Variants in DAB1 observed in about 807,000 individuals in gnomAD.
DAB1 encodes DAB adaptor protein 1, also known as disabled homolog 1.
In DAB1, 15 loss-of-function variants were observed where a neutral mutation model predicts 64.6. The observed-to-expected ratio is 0.23, with a 90% CI of 0.16 to 0.36. DAB1 has a LOEUF of 0.36. DAB1 is among the 10% of genes least tolerant of loss of function. The pLI, the probability that DAB1 is intolerant of heterozygous loss-of-function variation, is 1.00. For synonymous variants in DAB1, 235 were observed against 251.9 expected, an observed-to-expected ratio of 0.93 and a Z score of 0.64; for missense variants, 596 against 706.7, an observed-to-expected ratio of 0.84 and a Z score of 1.78.
In DAB1 at chr1:58,223,785, C is replaced by T. The variant is rs189753707; in HGVS notation, n.310-73197G>A. On this transcript the variant is annotated intron_variant and non_coding_transcript_variant, in intron 4 of 20. Transcript: ENST00000485760. ...GTCCTGCTGGTGCTAATAAAGTGCA[C>T]GATATTACTCTGGTAATATAGTGTA... Among the ~76,000 whole-genome samples the T allele has an allele frequency of 7.2e-5, 11 of 152,210 alleles. No homozygotes were observed. The South Asian group carries it at 8.3e-4, about 11-fold the overall frequency.
At chr1:58,382,692 T>A (rs1310451155) in intron 3 of DAB1, among the ~76,000 whole-genome samples, 1 of 152,230 alleles carries the variant, frequency 6.6e-6, no homozygotes, top group Non-Finnish European at 1.5e-5. Context: ...TAAAGCTTTT[T>A]AAAAGAGACA....
At chr1:57,377,541 TC>T (rs1254832643) in intron 1 of DAB1, among the ~76,000 whole-genome samples, 1 of 152,190 alleles carries the variant, frequency 6.6e-6, no homozygotes, top group Non-Finnish European at 1.5e-5. Context: ...AGTCTTCAGC[TC>T]CTGCTACTGT....
intron 3 of DAB1, among the ~76,000 whole-genome samples, chr1:58,416,424 T>G (rs757459639): frequency 2.6e-5 from 4 of 152,172 alleles, no homozygotes; most frequent in Non-Finnish European, 4.4e-5. Context: ...TCTTCTCTTA[T>G]AGTTGGAAGG....
At chr1:58,343,544 G>A (rs1213650) in intron 3 of DAB1, 89,122 of 152,114 alleles carry the variant, frequency 0.59, 27,022 homozygotes, top group East Asian at 0.77. Flanking sequence ...AACACAAATA[G>A]ATGGAAGAGT....
At chr1:58,428,637 A>G (rs999511254) in intron 3 of DAB1, among the ~76,000 whole-genome samples, 1 of 152,216 alleles carries the variant, frequency 6.6e-6, no homozygotes, top group Non-Finnish European at 1.5e-5. Context: ...TAATAAAAAA[A>G]TCCTTATCTT....
chr1:57,760,361 T>A (rs2101816488), intron 6 of DAB1, among the ~76,000 whole-genome samples: 1 of 152,268 alleles, frequency 6.6e-6, no homozygotes, highest in Non-Finnish European at 1.5e-5. Flanking sequence ...ACTTCTTGAA[T>A]TTAAAAGCTG....
intron 4 of DAB1, among the ~76,000 whole-genome samples, chr1:58,233,640 T>A (rs1425211921): frequency 6.6e-6 from 1 of 152,178 alleles, no homozygotes; most frequent in East Asian, 1.9e-4. Context: ...GTTCAGAAAC[T>A]GAGTAAACTG....
intron 5 of DAB1, among the ~76,000 whole-genome samples, chr1:57,951,333 C>A (rs11579025): frequency 5.0e-5 from 2 of 40,126 alleles, no homozygotes; most frequent in African/African-American, 8.4e-5. Context: ...TATATATATA[C>A]TTCCCTGGAA....
intron 1 of DAB1, among the ~76,000 whole-genome samples, chr1:57,863,998 T>C (rs1013400003): frequency 3.3e-5 from 5 of 152,172 alleles, no homozygotes; most frequent in Non-Finnish European, 7.3e-5. Flanking sequence ...AGTGCTCCCA[T>C]TCTAGTGGAA....
chr1:57,036,311 TAC>T (rs1403251599), intron 9 of DAB1, among the ~76,000 whole-genome samples: 1 of 152,158 alleles, frequency 6.6e-6, no homozygotes, highest in Admixed American at 6.5e-5. Flanking sequence ...TGCTCTTGGC[TAC>T]AGTCTTGCCT....
chr1:57,996,962 G>A (rs921408370), intron 5 of DAB1, among the ~76,000 whole-genome samples: 1 of 152,012 alleles, frequency 6.6e-6, no homozygotes, highest in African/African-American at 2.4e-5. Context: ...ATAGAGATCC[G>A]CCTCCACCCC....
rs1194546374 is a variant in DAB1 at position 57,560,712 on chromosome 1, C to A, written n.625+88880G>T. On this transcript the variant is annotated intron_variant and non_coding_transcript_variant, in intron 7 of 20. Transcript: ENST00000485760. Reference sequence around the variant, plus strand: ...AAGCTGCTGTGCCACTTGGGCCATACAATACAGTAGATCCAATGGTGCTTG... The same window carrying A: ...AAGCTGCTGTGCCACTTGGGCCATAAAATACAGTAGATCCAATGGTGCTTG... Among the ~76,000 whole-genome samples, 6 of 152,266 alleles carry A rather than the reference C, an allele frequency of 3.9e-5. No individual in the cohort carries two copies. The East Asian group carries it at 9.6e-4, about 24-fold the overall frequency.
chr1:57,673,483 C>G (rs1273049003), intron 6 of DAB1, among the ~76,000 whole-genome samples: 1 of 151,960 alleles, frequency 6.6e-6, no homozygotes, highest in Non-Finnish European at 1.5e-5. Context: ...TTTTCTAATC[C>G]TGAAAATATT....
At chr1:57,477,492 A>T (rs2101225845) in intron 7 of DAB1, among the ~76,000 whole-genome samples, 1 of 152,310 alleles carries the variant, frequency 6.6e-6, no homozygotes, top group Admixed American at 6.5e-5. Flanking sequence ...CACTTATTTC[A>T]GGACACTAGT....
intron 4 of DAB1, among the ~76,000 whole-genome samples, chr1:58,267,002 C>T (rs531917894): frequency 6.9e-4 from 105 of 152,154 alleles, no homozygotes; most frequent in Non-Finnish European, 1.1e-3. Context: ...GGTGGATCAC[C>T]TGAAGTCAGG....
At chr1:57,604,000 C>G (rs925542771) in intron 7 of DAB1, among the ~76,000 whole-genome samples, 1 of 152,346 alleles carries the variant, frequency 6.6e-6, no homozygotes, top group African/African-American at 2.4e-5. Flanking sequence ...CCATAATTTT[C>G]TCAAGGTCAG....
At chr1:58,182,548 T>C (rs1317821633) in intron 4 of DAB1, among the ~76,000 whole-genome samples, 1 of 152,022 alleles carries the variant, frequency 6.6e-6, no homozygotes, top group Non-Finnish European at 1.5e-5. Context: ...TAAATCTTTC[T>C]CCTGACATCT....
intron 7 of DAB1, among the ~76,000 whole-genome samples, chr1:57,554,590 TGCGTTTTG>T (rs1371725981): frequency 5.3e-5 from 8 of 152,234 alleles, no homozygotes; most frequent in Non-Finnish European, 1.5e-5. Flanking sequence ...TACAAAAAAA[TGCGTTTTG>T]AATTCCAAAT....
rs59456674 is a variant in DAB1, at chr1:57,735,609, GTTT to G, written n.552-85947_552-85945del. ...GTTCACTTTCCCATTCTGTTTGCTT[GTTT>G]TTTTTTTTTTTTTTTTTTTTTAGTT... On this transcript the variant is annotated intron_variant and non_coding_transcript_variant, in intron 6 of 20. Transcript: ENST00000485760. Among the ~76,000 whole-genome samples, 368 of 95,218 alleles carry G rather than the reference GTTT, an allele frequency of 3.9e-3. 1 individual carries two copies. The highest frequency in any genetic ancestry group is 7.0e-3 in the African/African-American group (168 of 24,066). 62.5% of individuals were successfully genotyped at this position (95,218 alleles called of 152,430 possible). A position where few individuals can be genotyped will look rare whatever the true frequency, so the allele number is the denominator to read the frequency against.
Sources: gnomAD v4.1 joint callset for allele counts (sites outside exome capture counted in the v4.1 genomes callset) on GRCh38, gnomAD v4.1.1 for gene constraint, MANE v1.5 for transcripts, NCBI Gene and HGNC (gene_info 2026-07-23, HGNC 2026-07-21) for gene names.